Variants in NKIRAS1 observed in about 807,000 individuals in gnomAD.
NKIRAS1 encodes the protein NFKB inhibitor interacting Ras like 1, also known as NF-kappa-B inhibitor-interacting Ras-like protein 1.
A neutral mutation model predicts 19.8 loss-of-function variants in NKIRAS1; 16 were observed. That is an observed-to-expected ratio of 0.81 (90% CI 0.55 to 1.23). The LOEUF is 1.23. Ranked by LOEUF, NKIRAS1 falls within the 50% of genes most tolerant of loss-of-function variation. The pLI, the probability that NKIRAS1 is intolerant of heterozygous loss-of-function variation, is 0.00. For synonymous variants in NKIRAS1, 88 were observed against 79.0 expected (o/e 1.11, Z -0.61); for missense variants, 184 against 220.0 (o/e 0.84, Z 1.04).
chr3:23,936,082 CAAA>C lies in NKIRAS1; in HGVS notation c.-140+10238_-140+10240del, dbSNP rs35945213. ...TGGGCGACAGAAAGGGACCCTGTCT[CAAA>C]AAAAAAAAAAAAAAAAAAAAAGCGG... On this transcript the variant is annotated intron_variant, in intron 1 of 4. Coordinates refer to the NKIRAS1 transcript ENST00000421515. 7.9e-3 allele frequency among the ~76,000 whole-genome samples: 504 copies of C among 63,882 alleles called. 4 individuals are homozygous for C. In the East Asian group the frequency reaches 0.089, roughly 11 times the overall value. 41.9% of individuals were successfully genotyped at this position (63,882 alleles called of 152,430 possible).
chr3:23,905,890 G>C (rs1407227582), intron 3 of NKIRAS1, among the ~76,000 whole-genome samples: 1 of 152,074 alleles, frequency 6.6e-6, no homozygotes, highest in East Asian at 1.9e-4. Context: ...CGGGTGCAGT[G>C]GCTCATGCCT....
At chr3:23,946,157 G>C in intron 1 of NKIRAS1, 2 of 985,170 alleles carry the variant, frequency 2.0e-6, no homozygotes, top group Non-Finnish European at 2.4e-6. Context: ...TGCGGAGGAG[G>C]CCGCGCGTGC....
chr3:23,943,555 G>T (rs532589340), intron 1 of NKIRAS1, among the ~76,000 whole-genome samples: 3 of 152,356 alleles, frequency 2.0e-5, no homozygotes, highest in East Asian at 3.9e-4. Context: ...CTAGAATGTC[G>T]TATAGTTGGA....
chr3:23,890,328 C>A lies in NKIRAS1; in HGVS notation c.*2767G>T, dbSNP rs558513128. On this transcript the variant is annotated 3_prime_UTR_variant, in exon 5 of 5. Transcript: ENST00000425478. ...CTAAAGCCTAAGCATTCCCTCTTCC[C>A]CCAACGTTATGTTTTTTTGAAATTT... Among the ~76,000 whole-genome samples, 1 of 152,278 alleles carries A rather than the reference C, an allele frequency of 6.6e-6. No homozygotes were observed. The highest frequency in any genetic ancestry group is 1.9e-4 in the East Asian group (1 of 5,184).
At chr3:23,937,303 G>C (rs1223731401) in intron 1 of NKIRAS1, among the ~76,000 whole-genome samples, 1 of 151,880 alleles carries the variant, frequency 6.6e-6, no homozygotes, top group African/African-American at 2.4e-5. Flanking sequence ...CCTGGGAGGA[G>C]GAGAGATGGA....
intron 4 of NKIRAS1, among the ~76,000 whole-genome samples, chr3:23,895,509 G>C (rs1313911846): frequency 6.6e-6 from 1 of 151,952 alleles, no homozygotes; most frequent in Non-Finnish European, 1.5e-5. Flanking sequence ...ACCCAGCTTA[G>C]ATTATTTTTA....
intron 1 of NKIRAS1, among the ~76,000 whole-genome samples, chr3:23,937,866 C>A (rs4241518): frequency 6.6e-6 from 1 of 151,342 alleles, no homozygotes; most frequent in South Asian, 2.1e-4. Context: ...TATACATTAT[C>A]GTGTAGACTG....
Position 23,910,121 on chromosome 3 carries a change from C to T in NKIRAS1, c.94+690G>A, listed in dbSNP as rs35663853. On this transcript the variant is annotated intron_variant, in intron 3 of 4. Transcript: ENST00000425478. ...ATCTGCCTGCCTCGGCCTCCCAAAG[C>T]GTTTGGATTACTGGTGTGAGCCACT... Among the ~76,000 whole-genome samples, 811 of 140,686 alleles carry T rather than the reference C, an allele frequency of 5.8e-3. 6 individuals are homozygous for T. The highest frequency in any genetic ancestry group is 0.021 in the African/African-American group (768 of 37,410). 92.3% of individuals were successfully genotyped at this position (140,686 alleles called of 152,430 possible). A position where few individuals can be genotyped will look rare whatever the true frequency, so the allele number is the denominator to read the frequency against.
At chr3:23,936,036 T>C (rs1575133542) in intron 1 of NKIRAS1, among the ~76,000 whole-genome samples, 1 of 123,602 alleles carries the variant, frequency 8.1e-6, no homozygotes. Flanking sequence ...TGAGCTATAA[T>C]CACGCCACTG....
At chr3:23,940,594 G>T (rs746740879) in intron 1 of NKIRAS1, among the ~76,000 whole-genome samples, 7 of 152,008 alleles carry the variant, frequency 4.6e-5, no homozygotes, top group Non-Finnish European at 7.4e-5. Context: ...TGTAATAGTG[G>T]AATGTGTTTA....
intron 1 of NKIRAS1, among the ~76,000 whole-genome samples, chr3:23,943,836 AAG>A (rs772475222): frequency 6.6e-6 from 1 of 152,224 alleles, no homozygotes; most frequent in Non-Finnish European, 1.5e-5. Context: ...CAGCCTTGGA[AAG>A]AGAAGCAGGA....
At position 23,891,436 on chromosome 3, in the gene NKIRAS1, T is replaced by TA. The variant is rs2125338798; in HGVS notation, c.*1658dup. 2 of 152,362 alleles carry TA rather than the reference T, an allele frequency of 1.3e-5. No homozygotes were observed. The highest frequency in any genetic ancestry group is 4.1e-4 in the South Asian group (2 of 4,830). 9.4% of individuals were successfully genotyped at this position (152,362 alleles called of 1,614,324 possible). A position where few individuals can be genotyped will look rare whatever the true frequency, so the allele number is the denominator to read the frequency against. ...TAATGCATATTTAGTAGGTATTAGT[T>TA]AGTTACCTATATTAGGATCTGTACT... On this transcript the variant is annotated 3_prime_UTR_variant, in exon 5 of 5. Transcript: ENST00000425478.
upstream of NKIRAS1, chr3:23,921,534 T>A (rs550975027): frequency 1.5e-6 from 1 of 682,538 alleles, no homozygotes; most frequent in African/African-American, 1.8e-5. Context: ...TATTTCTATA[T>A]TGGCATGTAA....
At chr3:23,921,746 T>C (rs1490073396), upstream of NKIRAS1, 2 of 612,268 alleles carry the variant, frequency 3.3e-6, no homozygotes, top group African/African-American at 3.8e-5. Flanking sequence ...AGCTAAGTTT[T>C]GTATTTTTAG....
chr3:23,902,419 A>G (rs1702609215), intron 3 of NKIRAS1, among the ~76,000 whole-genome samples: 1 of 152,238 alleles, frequency 6.6e-6, no homozygotes, highest in Non-Finnish European at 1.5e-5. Flanking sequence ...AAAATTATTC[A>G]TAAATCTGAT....
chr3:23,937,190 C>T (rs1359467990), intron 1 of NKIRAS1, among the ~76,000 whole-genome samples: 4 of 19,886 alleles, frequency 2.0e-4, no homozygotes, highest in East Asian at 6.1e-4. Flanking sequence ...ACCAGCCTGG[C>T]CAATGTGGCG....
intron 1 of NKIRAS1, among the ~76,000 whole-genome samples, chr3:23,928,291 AAAATAAATAAATAAATAAATAAATAAAT>A (rs71622762): frequency 3.5e-5 from 5 of 144,670 alleles, no homozygotes; most frequent in Non-Finnish European, 7.6e-5. Context: ...CTCTGTCTCA[AAAATAAATAAATAAATAAATAAATAAAT>A]AAATAAATAA....
chr3:23,892,951 G>T lies in NKIRAS1; in HGVS notation c.*144C>A. 1.5e-6 allele frequency: 1 copy of T among 675,664 alleles called. No individual in the cohort carries two copies. The highest frequency in any genetic ancestry group is 2.3e-6 in the Non-Finnish European group (1 of 432,456). The allele number at this position is 675,664 out of a possible 1,614,324, so 41.9% of individuals were successfully genotyped here. On this transcript the variant is annotated 3_prime_UTR_variant, in exon 5 of 5. Coordinates refer to ENST00000425478, the MANE Select transcript of NKIRAS1 (RefSeq NM_020345.4). ...AGCCCAAATACTTTTAACATCTAAA[G>T]TGCATTAATTGACTTCCTTAGGAAT...
chr3:23,929,458 G>A (rs534489139), intron 1 of NKIRAS1, among the ~76,000 whole-genome samples: 8 of 152,044 alleles, frequency 5.3e-5, no homozygotes, highest in Admixed American at 1.3e-4. Flanking sequence ...ACAGGGTCTC[G>A]CTCTGTCACC....
Sources: allele counts gnomAD v4.1 joint callset (sites outside exome capture counted in the v4.1 genomes callset), GRCh38; gene constraint gnomAD v4.1.1; transcripts MANE v1.5; gene names NCBI Gene and HGNC (gene_info 2026-07-23, HGNC 2026-07-21).